ATP13A3: variants seen among roughly 807,000 people sequenced by gnomAD.
ATP13A3 encodes the protein polyamine-transporting ATPase 13A3.
Under a neutral mutation model 158.1 loss-of-function variants are expected in ATP13A3, and 59 were observed. That is an observed-to-expected ratio of 0.37 (90% CI 0.30 to 0.46). ATP13A3 has a LOEUF of 0.46. Among genes scored for constraint, ATP13A3 ranks in the 20% least tolerant of loss-of-function variants. The pLI is 1.00. For missense variants in ATP13A3, 1,166 were observed against 1,525.2 expected (o/e 0.76, Z 3.92); for synonymous variants, 491 against 504.3 (o/e 0.97, Z 0.35).
At chr3:194,418,477 TAA>T (rs1170681050) in intron 31 of ATP13A3, among the ~76,000 whole-genome samples, 1 of 151,916 alleles carries the variant, frequency 6.6e-6, no homozygotes, top group African/African-American at 2.4e-5. Flanking sequence ...TAAAAATTTT[TAA>T]AAAAGACAAC....
chr3:194,425,488 T>C lies in ATP13A3; in HGVS notation c.3167A>G (p.His1056Arg). The change falls in exon 30 of 34, where the codon CAC becomes CGC. Residue 1056 changes from histidine (H) to arginine (R), a missense_variant. Coordinates refer to ENST00000645319, the MANE Select transcript of ATP13A3 (RefSeq NM_001367549.1). ...TTGSGFWNSS[H>R]VDNETELDEH... The stretch of plus-strand genomic sequence containing the variant: ...ATCAAGTTCGGTTTCATTGTCTACG[T>C]GTGAAGAATTCCAAAACCCGCTTCC... 4 of 1,613,166 alleles carry C rather than the reference T, an allele frequency of 2.5e-6. No homozygotes were observed. The highest frequency in any genetic ancestry group is 2.5e-6 in the Non-Finnish European group (3 of 1,179,746).
intron 28 of ATP13A3, among the ~76,000 whole-genome samples, chr3:194,427,577 T>C (rs563917361): frequency 1.2e-4 from 18 of 150,884 alleles, no homozygotes; most frequent in African/African-American, 4.4e-4. Flanking sequence ...AGTGGGAGAA[T>C]CACTTGAGCC....
In ATP13A3 at chr3:194,441,428, C is replaced by T. The variant is rs1718043756; in HGVS notation, c.1593G>A (p.Glu531=). Residue 531 remains glutamate (E), a synonymous_variant, in exon 16 of 34, where the codon GAG becomes GAA. Transcript: ENST00000645319. ...CAACAAACTGGGATTTTACCAACAT[C>T]TCATTGCACACATTTTCTTCTGGTG... ...FLSPEENVCN[E]MLVKSQFVAC... The T allele has an allele frequency of 6.2e-7, 1 of 1,613,514 alleles. No individual in the cohort carries two copies. Among genetic ancestry groups the T allele is most frequent in the East Asian group, 2.2e-5 (1 of 44,868 alleles).
intron 31 of ATP13A3, among the ~76,000 whole-genome samples, chr3:194,414,533 A>G (rs1715676457): frequency 6.6e-6 from 1 of 152,072 alleles, no homozygotes; most frequent in East Asian, 1.9e-4. Flanking sequence ...ACAACTTCAT[A>G]AAAAAAGATG....
intron 10 of ATP13A3, 29 bp from the exon 11 acceptor site, chr3:194,450,305 G>T (rs1461001627): frequency 6.3e-7 from 1 of 1,587,660 alleles, no homozygotes; most frequent in Non-Finnish European, 8.6e-7. Flanking sequence ...AGAAAAATCT[G>T]AAAAAGATAT....
Position 194,403,798 on chromosome 3 carries a change from C to T in ATP13A3, c.*2121G>A, listed in dbSNP as rs1207699917. Reference sequence around the variant, plus strand: ...TCTCAACGTGAATAACCCACCTTGTCTATATTCAAATCTAACTTCCTACAA... The same window carrying T: ...TCTCAACGTGAATAACCCACCTTGTTTATATTCAAATCTAACTTCCTACAA... On this transcript the variant is annotated 3_prime_UTR_variant, in exon 34 of 34. Transcript: ENST00000645319. 4.4e-6 allele frequency: 1 copy of T among 225,002 alleles called. No homozygotes were observed. The highest frequency in any genetic ancestry group is 8.9e-6 in the Non-Finnish European group (1 of 112,798). The allele number at this position is 225,002 out of a possible 1,614,324, so 13.9% of individuals were successfully genotyped here.
chr3:194,456,441 T>C (rs368866344), intron 7 of ATP13A3, among the ~76,000 whole-genome samples: 4 of 152,096 alleles, frequency 2.6e-5, no homozygotes, highest in Non-Finnish European at 4.4e-5. Context: ...TATGTTACAA[T>C]AGTATTTTCT....
At chr3:194,471,324 T>TAAAAAAAAAAAAAAAAAAAAA (rs59967046) in intron 2 of ATP13A3, among the ~76,000 whole-genome samples, 1 of 88,112 alleles carries the variant, frequency 1.1e-5, no homozygotes, top group Non-Finnish European at 2.6e-5. Flanking sequence ...CAGCAAATTC[T>TAAAAAAAAAAAAAAAAAAAAA]AAAAAAAAAA....
In ATP13A3 at chr3:194,460,741, A is replaced by AGAG. The variant is rs1177833653; in HGVS notation, c.139_141dup (p.Leu47dup). 8.7e-6 allele frequency: 14 copies of AGAG among 1,613,954 alleles called. No homozygotes were observed. The highest frequency in any genetic ancestry group is 1.3e-5 in the African/African-American group (1 of 74,918). ...TTCACCCGCCACTCAGGCATCCAATAGAGGAGGAGGAGGAGAAACCCACCA... is the reference window on the plus strand; with the variant it reads ...TTCACCCGCCACTCAGGCATCCAATAGAGGAGGAGGAGGAGGAGAAACCCACCA... On this transcript the variant is annotated inframe_insertion, in exon 4 of 34. Transcript: ENST00000645319.
chr3:194,458,769 A>T (rs1248497793), intron 6 of ATP13A3, among the ~76,000 whole-genome samples: 1 of 152,306 alleles, frequency 6.6e-6, no homozygotes, highest in Non-Finnish European at 1.5e-5. Flanking sequence ...CCATTCCAGA[A>T]TGTTCCAATT....
At chr3:194,472,061 CTT>C (rs372237121) in intron 2 of ATP13A3, 48 of 152,700 alleles carry the variant, frequency 3.1e-4, no homozygotes, top group African/African-American at 1.1e-3. Context: ...AACCAACACT[CTT>C]TCTGATTACA....
chr3:194,462,313 G>T (rs1421078004), intron 2 of ATP13A3, 77 bp from the exon 3 acceptor site: 8 of 1,011,310 alleles, frequency 7.9e-6, no homozygotes, highest in Admixed American at 6.4e-5. Flanking sequence ...TCTATCAACT[G>T]TCTATTATAC....
chr3:194,458,489 G>A (rs1488750100), intron 6 of ATP13A3, among the ~76,000 whole-genome samples: 1 of 152,052 alleles, frequency 6.6e-6, no homozygotes, highest in Non-Finnish European at 1.5e-5. Flanking sequence ...CCCTGGGTTT[G>A]AGCGATTCTC....
At chr3:194,424,877 T>A (rs1168761809) in intron 30 of ATP13A3, among the ~76,000 whole-genome samples, 2 of 152,116 alleles carry the variant, frequency 1.3e-5, no homozygotes, top group South Asian at 4.1e-4. Flanking sequence ...GCGTCGGAAA[T>A]GAAGAAGATG....
At chr3:194,491,125 C>G (rs557998948), upstream of ATP13A3, among the ~76,000 whole-genome samples, 75 of 152,326 alleles carry the variant, frequency 4.9e-4, 3 homozygotes, top group South Asian at 0.015. Context: ...GCCTGGATGA[C>G]AGAGCAAGAC....
intron 5 of ATP13A3, 120 bp downstream of exon 5, chr3:194,459,669 A>G: frequency 8.6e-7 from 1 of 1,162,022 alleles, no homozygotes; most frequent in Middle Eastern, 2.9e-4. Flanking sequence ...GTAATATTTT[A>G]TATGCAGGTA....
intron 15 of ATP13A3, among the ~76,000 whole-genome samples, chr3:194,443,636 C>T (rs2108876955): frequency 6.6e-6 from 1 of 152,222 alleles, no homozygotes; most frequent in African/African-American, 2.4e-5. Flanking sequence ...TTTTCCAAGA[C>T]ACAACAACTC....
chr3:194,411,949 A>C (rs1715467078), intron 33 of ATP13A3, among the ~76,000 whole-genome samples: 1 of 152,196 alleles, frequency 6.6e-6, no homozygotes, highest in South Asian at 2.1e-4. Flanking sequence ...CAGGATTGGA[A>C]TGGAAAGGAG....
At position 194,448,068 on chromosome 3, in the gene ATP13A3, A is replaced by G; in HGVS notation, c.1151-59T>C. 6.8e-7 allele frequency: 1 copy of G among 1,461,574 alleles called. No individual in the cohort carries two copies. The allele number at this position is 1,461,574 out of a possible 1,614,324, so 90.5% of individuals were successfully genotyped here. ...TATAAGAAAATGAGAATTATCTCCCAAAACAGAATCTCTCTTTTTTTTTTT... is the reference window on the plus strand; with the variant it reads ...TATAAGAAAATGAGAATTATCTCCCGAAACAGAATCTCTCTTTTTTTTTTT... On this transcript the variant is annotated intron_variant, in intron 12 of 33. Coordinates refer to ENST00000645319, the MANE Select transcript of ATP13A3 (RefSeq NM_001367549.1). This position sits in a 1 kb window ranked among gnomAD's most constrained non-coding sequence, Gnocchi z 4.0.
Sources: gnomAD v4.1 joint callset for allele counts (sites outside exome capture counted in the v4.1 genomes callset) on GRCh38, gnomAD v4.1.1 for gene constraint, Gnocchi (gnomAD v3.1) non-coding constraint, MANE v1.5 for transcripts, NCBI Gene and HGNC (gene_info 2026-07-23, HGNC 2026-07-21) for gene names.